Variants in RXRG observed in about 807,000 individuals in gnomAD.
RXRG encodes the protein retinoic acid receptor RXR-gamma.
A neutral mutation model predicts 49.2 loss-of-function variants in RXRG; 19 were observed. That is an observed-to-expected ratio of 0.39 (90% CI 0.27 to 0.57). The LOEUF (loss-of-function observed/expected upper bound fraction) is 0.57. Among genes scored for constraint, RXRG ranks in the 20% least tolerant of loss-of-function variants. The pLI, the probability that RXRG is intolerant of heterozygous loss-of-function variation, is 0.64. For missense variants in RXRG, 452 were observed against 592.5 expected (o/e 0.76, Z 2.46); for synonymous variants, 224 against 216.6 (o/e 1.03, Z -0.30).
In RXRG at chr1:165,423,428, C is replaced by A. The variant is rs184156271; in HGVS notation, c.298-3414G>T. 6.8e-3 allele frequency among the ~76,000 whole-genome samples: 1,037 copies of A among 152,316 alleles called. 3 individuals are homozygous for A. The highest frequency in any genetic ancestry group is 0.024 in the Middle Eastern group (7 of 294). Reference sequence around the variant, plus strand: ...GCCAGGGACCAATTCATTCTGCATGCTTCTGGAGCCATCCTTGAACATTGA... The same window carrying A: ...GCCAGGGACCAATTCATTCTGCATGATTCTGGAGCCATCCTTGAACATTGA... On this transcript the variant is annotated intron_variant, in intron 2 of 9. Coordinates refer to ENST00000359842, the MANE Select transcript of RXRG (RefSeq NM_006917.5).
intron 7 of RXRG, among the ~76,000 whole-genome samples, 163 bp downstream of exon 7, chr1:165,409,395 G>A (rs940051857): frequency 2.0e-5 from 3 of 151,984 alleles, no homozygotes; most frequent in African/African-American, 7.3e-5. Flanking sequence ...TCTCTGCATG[G>A]TCATGTGTAG....
chr1:165,422,008 G>A (rs2101726352), intron 2 of RXRG, among the ~76,000 whole-genome samples: 1 of 152,300 alleles, frequency 6.6e-6, no homozygotes, highest in South Asian at 2.1e-4. Flanking sequence ...ACCCCACAGA[G>A]AGAGCCCTCT....
At chr1:165,437,168 G>C (rs1183728903) in intron 1 of RXRG, 2 of 1,367,782 alleles carry the variant, frequency 1.5e-6, no homozygotes, top group East Asian at 9.1e-5. Flanking sequence ...TAGCGATGTG[G>C]AGAGCAGAAG....
chr1:165,409,427 C>G (rs1480823647), intron 7 of RXRG, 131 bp downstream of exon 7: 1 of 1,143,750 alleles, frequency 8.7e-7, no homozygotes, highest in Non-Finnish European at 1.1e-6. Context: ...GGCTGCCCAT[C>G]CTCCATCCCA....
chr1:165,415,161 G>A (rs1005412705), intron 4 of RXRG, among the ~76,000 whole-genome samples: 34 of 151,998 alleles, frequency 2.2e-4, no homozygotes, highest in African/African-American at 8.2e-4. Context: ...TGAGAATTGG[G>A]TAAAGATACG....
intron 9 of RXRG, among the ~76,000 whole-genome samples, chr1:165,405,234 C>CA (rs1318396715): frequency 1.3e-5 from 2 of 152,006 alleles, no homozygotes; most frequent in African/African-American, 4.8e-5. Context: ...AATATGTGCT[C>CA]AAAAAATGGA....
At chr1:165,403,178 T>G (rs1168647741) in intron 9 of RXRG, among the ~76,000 whole-genome samples, 1 of 152,230 alleles carries the variant, frequency 6.6e-6, no homozygotes, top group Admixed American at 6.5e-5. Flanking sequence ...GGTACTTCTC[T>G]CTGTGACATT....
At chr1:165,423,989 C>A (rs1658404296) in intron 2 of RXRG, among the ~76,000 whole-genome samples, 1 of 152,128 alleles carries the variant, frequency 6.6e-6, no homozygotes, top group Non-Finnish European at 1.5e-5. Context: ...TGATAGAACC[C>A]AGGTCAGGCT....
chr1:165,443,887 G>A (rs1659078626), intron 1 of RXRG, among the ~76,000 whole-genome samples: 1 of 152,198 alleles, frequency 6.6e-6, no homozygotes, highest in African/African-American at 2.4e-5. Context: ...AAGAATTTCT[G>A]CTGTCTTGCC....
intron 1 of RXRG, among the ~76,000 whole-genome samples, chr1:165,430,150 C>T (rs1166202693): frequency 5.9e-5 from 9 of 152,186 alleles, no homozygotes; most frequent in Non-Finnish European, 1.2e-4. Flanking sequence ...GCTCAGTAAG[C>T]ACAGTCTGCT....
chr1:165,420,746 CA>C (rs1658287029), intron 2 of RXRG, among the ~76,000 whole-genome samples: 1 of 152,032 alleles, frequency 6.6e-6, no homozygotes, highest in Admixed American at 6.6e-5. Context: ...TTGTGTTCAC[CA>C]AAGAAAGCAA....
At chr1:165,413,232 G>C (rs1658010865) in intron 4 of RXRG, among the ~76,000 whole-genome samples, 1 of 152,120 alleles carries the variant, frequency 6.6e-6, no homozygotes, top group South Asian at 2.1e-4. Context: ...ACACACATCA[G>C]GGTACATCCA....
chr1:165,420,247 A>G (rs1438498861), intron 2 of RXRG, among the ~76,000 whole-genome samples: 2 of 152,176 alleles, frequency 1.3e-5, no homozygotes, highest in Non-Finnish European at 2.9e-5. Context: ...AAATCACAAC[A>G]CATCTCCATT....
At chr1:165,414,170 G>T (rs554295952) in intron 4 of RXRG, among the ~76,000 whole-genome samples, 44 of 152,258 alleles carry the variant, frequency 2.9e-4, no homozygotes, top group African/African-American at 9.9e-4. Flanking sequence ...CAGGGTAAAT[G>T]GTGCCAATCT....
intron 1 of RXRG, among the ~76,000 whole-genome samples, chr1:165,440,408 T>C (rs535802772): frequency 6.0e-4 from 91 of 152,072 alleles, no homozygotes; most frequent in Non-Finnish European, 1.2e-3. Flanking sequence ...GTGTTTTGGA[T>C]TTAGGATTTT....
chr1:165,445,001 G>A lies in RXRG; in HGVS notation c.-108C>T. The A allele has an allele frequency of 9.8e-7, 1 of 1,024,256 alleles. No individual in the cohort carries two copies. The highest frequency in any genetic ancestry group is 1.8e-5 in the Admixed American group (1 of 56,600). 63.4% of individuals were successfully genotyped at this position (1,024,256 alleles called of 1,614,324 possible). A position where few individuals can be genotyped will look rare whatever the true frequency, so the allele number is the denominator to read the frequency against. The stretch of plus-strand genomic sequence containing the variant: ...TCTTCAACTTGGGCTAACAAGAGTG[G>A]TCATCGCTTCCTAGCAGCCCGGGGA... On this transcript the variant is annotated 5_prime_UTR_variant, in exon 1 of 10. Coordinates refer to ENST00000359842, the MANE Select transcript of RXRG (RefSeq NM_006917.5).
At chr1:165,413,141 T>G (rs1032049742) in intron 4 of RXRG, among the ~76,000 whole-genome samples, 2 of 152,230 alleles carry the variant, frequency 1.3e-5, no homozygotes, top group African/African-American at 4.8e-5. Flanking sequence ...GTGCCTTAAG[T>G]CTTCCTGTCA....
At chr1:165,440,293 T>A (rs945115158) in intron 1 of RXRG, among the ~76,000 whole-genome samples, 2 of 152,274 alleles carry the variant, frequency 1.3e-5, no homozygotes, top group African/African-American at 4.8e-5. Context: ...TTTTTACATC[T>A]GTATAATGGG....
chr1:165,419,598 C>T (rs1246955569), intron 3 of RXRG, among the ~76,000 whole-genome samples: 2 of 152,158 alleles, frequency 1.3e-5, no homozygotes, highest in Middle Eastern at 3.2e-3. Context: ...ATCACAACAG[C>T]TTCTGTCTCT....
Sources: allele counts gnomAD v4.1 joint callset (sites outside exome capture counted in the v4.1 genomes callset), GRCh38; gene constraint gnomAD v4.1.1; transcripts MANE v1.5; gene names NCBI Gene and HGNC (gene_info 2026-07-23, HGNC 2026-07-21).